XPR1: variants seen among roughly 807,000 people sequenced by gnomAD.
The protein encoded by XPR1 is solute carrier family 53 member 1.
In XPR1, 28 loss-of-function variants were observed where a neutral mutation model predicts 87.5. The ratio of observed to expected loss-of-function variants is 0.32; its 90% confidence interval spans 0.24 to 0.44. The LOEUF (loss-of-function observed/expected upper bound fraction) is 0.44. Ranked by LOEUF, XPR1 falls within the 20% of genes least tolerant of loss-of-function variation. XPR1 has a pLI of 1.00. For synonymous variants in XPR1, 300 were observed against 306.1 expected (o/e 0.98, Z 0.21); for missense variants, 559 against 862.3 (o/e 0.65, Z 4.41).
rs370164810 is a variant in XPR1 at position 180,825,081 on chromosome 1, G to C, written c.955-84G>C. On this transcript the variant is annotated intron_variant, in intron 8 of 14. Transcript: ENST00000367590. ...ATAACTAATCATGTTTCTTACTTTT[G>C]TTTTATTAAAGATATTTTAAGTAAT... 2.7e-5 allele frequency: 40 copies of C among 1,508,570 alleles called. No individual in the cohort carries two copies. The East Asian group carries it at 5.0e-4, about 19-fold the overall frequency. 93.4% of individuals were successfully genotyped at this position (1,508,570 alleles called of 1,614,324 possible).
chr1:180,757,506 CTTTTTTTTT>C (rs35380232), intron 2 of XPR1, among the ~76,000 whole-genome samples: 149 of 134,484 alleles, frequency 1.1e-3, no homozygotes, highest in African/African-American at 3.4e-3. Flanking sequence ...GTTACTAGGC[CTTTTTTTTT>C]TTTTTTTTTA....
At chr1:180,762,651 A>G (rs1042873295) in intron 2 of XPR1, among the ~76,000 whole-genome samples, 4 of 152,208 alleles carry the variant, frequency 2.6e-5, no homozygotes, top group Non-Finnish European at 4.4e-5. Flanking sequence ...CAGCAGAGAA[A>G]TTGACTAGTT....
chr1:180,675,552 A>G (rs1452417311), intron 1 of XPR1, among the ~76,000 whole-genome samples: 2 of 152,196 alleles, frequency 1.3e-5, no homozygotes, highest in South Asian at 2.1e-4. Context: ...TAACAGAAAT[A>G]AGTTAACAGA....
intron 2 of XPR1, among the ~76,000 whole-genome samples, chr1:180,705,200 A>G (rs1460314750): frequency 6.6e-6 from 1 of 152,108 alleles, no homozygotes; most frequent in Non-Finnish European, 1.5e-5. Flanking sequence ...ATTGATTAAA[A>G]TTTCATTTTC....
At chr1:180,848,080 A>G (rs1184622641) in intron 11 of XPR1, among the ~76,000 whole-genome samples, 1 of 152,194 alleles carries the variant, frequency 6.6e-6, no homozygotes, top group Non-Finnish European at 1.5e-5. Context: ...AGATAATTAT[A>G]CATATTTATA....
chr1:180,803,468 A>G lies in XPR1; in HGVS notation c.304A>G (p.Thr102Ala), dbSNP rs749723928. The G allele has an allele frequency of 5.1e-5, 82 of 1,613,978 alleles. No individual in the cohort carries two copies. In the South Asian group the frequency reaches 8.9e-4, roughly 18 times the overall value. ...ATCACTGGATGCACAGAAAGAAAGC[A>G]CTGGTGTTACTACGCTGCGACAACG... Reference protein sequence around the residue: ...QSSLDAQKESTGVTTLRQRRK... With the variant: ...QSSLDAQKESAGVTTLRQRRK... The change falls in exon 4 of 15, where the codon ACT (threonine) becomes GCT (alanine). Residue 102 changes from threonine to alanine, a missense_variant. Thr to Ala is a moderately conservative substitution (Grantham distance 58). Transcript: ENST00000367590.
chr1:180,835,187 G>A (rs1033004377), intron 10 of XPR1, 142 bp downstream of exon 10: 2 of 916,788 alleles, frequency 2.2e-6, no homozygotes, highest in African/African-American at 3.4e-5. Context: ...TTGGCATTCT[G>A]TTAGCAGTCT....
intron 7 of XPR1, among the ~76,000 whole-genome samples, chr1:180,817,874 T>C (rs1650468665): frequency 6.6e-6 from 1 of 152,178 alleles, no homozygotes; most frequent in South Asian, 2.1e-4. Flanking sequence ...TCATTTTTCA[T>C]CATGTTGTAT....
At chr1:180,672,026 G>A (rs1317703499) in intron 1 of XPR1, among the ~76,000 whole-genome samples, 1 of 152,138 alleles carries the variant, frequency 6.6e-6, no homozygotes, top group African/African-American at 2.4e-5. Flanking sequence ...AACATTCTGA[G>A]TTTGTGTTAT....
At chr1:180,773,833 G>C (rs1001021266) in intron 2 of XPR1, among the ~76,000 whole-genome samples, 1 of 152,112 alleles carries the variant, frequency 6.6e-6, no homozygotes, top group Non-Finnish European at 1.5e-5. Context: ...CCAAAACTGT[G>C]ATTTTACATT....
chr1:180,714,460 G>A (rs936128715), intron 2 of XPR1, among the ~76,000 whole-genome samples: 9 of 148,850 alleles, frequency 6.0e-5, no homozygotes, highest in Non-Finnish European at 7.4e-5. Context: ...GCTGGAGTGC[G>A]GTGGCACAAT....
At chr1:180,760,241 A>G (rs1647958736) in intron 2 of XPR1, among the ~76,000 whole-genome samples, 1 of 152,192 alleles carries the variant, frequency 6.6e-6, no homozygotes, top group African/African-American at 2.4e-5. Context: ...CCTATTCAAC[A>G]TAGTGTTGGA....
At chr1:180,702,739 T>C (rs1657391415) in intron 2 of XPR1, among the ~76,000 whole-genome samples, 1 of 152,146 alleles carries the variant, frequency 6.6e-6, no homozygotes, top group African/African-American at 2.4e-5. Flanking sequence ...TTGAGTTTCT[T>C]TAATATTATT....
At chr1:180,669,158 G>A (rs1223665393) in intron 1 of XPR1, among the ~76,000 whole-genome samples, 2 of 151,120 alleles carry the variant, frequency 1.3e-5, no homozygotes, top group African/African-American at 2.4e-5. Flanking sequence ...CCTGGAAAAT[G>A]TACCACATGC....
rs377180032 is a variant in XPR1, at chr1:180,880,278, C to T, written c.2011C>T (p.Arg671Trp). The T allele has an allele frequency of 3.1e-6, 5 of 1,614,044 alleles. No homozygotes were observed. Among genetic ancestry groups the T allele is most frequent in the Admixed American group, 1.7e-5 (1 of 60,000 alleles). ...WKYNQSISLR[R>W]PRLASQSKAR... is the part of the protein sequence containing the mutation. ...GTACAACCAGAGCATATCCCTGCGC[C>T]GGCCTCGCCTCGCTTCTCAGTATGT... The change falls in exon 14 of 15, where the codon CGG (arginine) becomes TGG (tryptophan). Residue 671 changes from arginine (R) to tryptophan (W), a missense_variant. Arg to Trp is a moderately radical substitution (Grantham distance 101). Transcript: ENST00000367590.
chr1:180,772,191 G>T (rs186980426), intron 2 of XPR1, among the ~76,000 whole-genome samples: 151 of 151,770 alleles, frequency 9.9e-4, no homozygotes, highest in African/African-American at 3.3e-3. Context: ...TTATTTTATT[G>T]CTTTGGTCAT....
intron 2 of XPR1, among the ~76,000 whole-genome samples, chr1:180,773,872 T>A (rs1648610349): frequency 1.3e-5 from 2 of 152,368 alleles, no homozygotes; most frequent in Middle Eastern, 3.4e-3. Context: ...ATTAATCGAA[T>A]AGAATGTGTT....
chr1:180,688,021 G>A (rs1312853139), intron 2 of XPR1, among the ~76,000 whole-genome samples: 3 of 146,976 alleles, frequency 2.0e-5, no homozygotes, highest in African/African-American at 5.0e-5. Context: ...TTAGAATTCT[G>A]TGTTACAGAT....
At chr1:180,652,735 A>G (rs191317507) in intron 1 of XPR1, among the ~76,000 whole-genome samples, 22 of 152,374 alleles carry the variant, frequency 1.4e-4, no homozygotes, top group Non-Finnish European at 2.9e-5. Context: ...TTTGTGGTAT[A>G]AAATATTTTT....
Sources: gnomAD v4.1 joint callset for allele counts (sites outside exome capture counted in the v4.1 genomes callset) on GRCh38, gnomAD v4.1.1 for gene constraint, MANE v1.5 for transcripts, NCBI Gene and HGNC (gene_info 2026-07-23, HGNC 2026-07-21) for gene names.